Variants in MAP4K3 observed in about 807,000 individuals in gnomAD.
MAP4K3 encodes the protein MAPK/ERK kinase kinase kinase 3.
A neutral mutation model predicts 143.5 loss-of-function variants in MAP4K3; 94 were observed. The ratio of observed to expected loss-of-function variants is 0.65; its 90% CI spans 0.55 to 0.78. The LOEUF is 0.78. Ranked by LOEUF, MAP4K3 falls within the 30% of genes least tolerant of loss-of-function variation. The pLI is 0.00. For missense variants in MAP4K3, 1,077 were observed against 1,068.1 expected (o/e 1.01, Z -0.12); for synonymous variants, 416 against 347.2 (o/e 1.20, Z -2.20).
chr2:39,398,164 A>G (rs769085969), intron 1 of MAP4K3, among the ~76,000 whole-genome samples: 5 of 152,248 alleles, frequency 3.3e-5, no homozygotes, highest in Admixed American at 6.5e-5. Flanking sequence ...CTACATACAT[A>G]AGAAATACAC....
At chr2:39,416,008 A>T (rs866956765) in intron 1 of MAP4K3, among the ~76,000 whole-genome samples, 1,462 of 91,890 alleles carry the variant, frequency 0.016, 71 homozygotes, top group African/African-American at 0.06. Context: ...TATATATAAA[A>T]ATAACATTTG....
chr2:39,352,025 T>C (rs1253605736), intron 3 of MAP4K3, among the ~76,000 whole-genome samples: 3 of 152,226 alleles, frequency 2.0e-5, no homozygotes, highest in Non-Finnish European at 4.4e-5. Flanking sequence ...TCAAATCTTC[T>C]ACTGGCTTAT....
intron 29 of MAP4K3, among the ~76,000 whole-genome samples, chr2:39,259,029 G>A (rs968878835): frequency 7.3e-6 from 1 of 137,620 alleles, no homozygotes; most frequent in Admixed American, 7.8e-5. Context: ...TTTTGCGCCT[G>A]CTGCTCAGGC....
intron 31 of MAP4K3, among the ~76,000 whole-genome samples, chr2:39,257,623 A>G (rs1680396541): frequency 6.6e-6 from 1 of 151,658 alleles, no homozygotes; most frequent in Non-Finnish European, 1.5e-5. Flanking sequence ...AAGTAGTGAA[A>G]CCCCGTCTCT....
At chr2:39,283,518 G>C (rs1256294315) in intron 21 of MAP4K3, 5 of 151,628 alleles carry the variant, frequency 3.3e-5, no homozygotes, top group Admixed American at 6.6e-5. Context: ...ATATATTCTA[G>C]GTTTGAGTAT....
rs578201839 is a variant in MAP4K3, at chr2:39,347,841, T to C, written c.246-4389A>G. ...CTTCTTTCTTATAAGTGGTCATTAATTATCTGATTAGAAATTTATCCTAGA... is the reference window on the plus strand; with the variant it reads ...CTTCTTTCTTATAAGTGGTCATTAACTATCTGATTAGAAATTTATCCTAGA... On this transcript the variant is annotated intron_variant, in intron 3 of 33. Coordinates refer to ENST00000263881, the MANE Select transcript of MAP4K3 (RefSeq NM_003618.4). Among the ~76,000 whole-genome samples the C allele has an allele frequency of 9.9e-5, 15 of 152,204 alleles. No individual in the cohort carries two copies. The East Asian group carries it at 1.4e-3, about 14-fold the overall frequency.
chr2:39,256,865 C>T (rs969496435), intron 31 of MAP4K3, among the ~76,000 whole-genome samples: 2 of 152,154 alleles, frequency 1.3e-5, no homozygotes, highest in African/African-American at 2.4e-5. Flanking sequence ...GGCTGTGGTT[C>T]TCCATCTCCT....
intron 12 of MAP4K3, among the ~76,000 whole-genome samples, chr2:39,318,148 G>A (rs938910900): frequency 2.6e-5 from 4 of 152,100 alleles, no homozygotes; most frequent in African/African-American, 9.7e-5. Context: ...CTCAGGAGCA[G>A]AAAACCAAAT....
At chr2:39,297,128 T>C (rs545348320) in intron 16 of MAP4K3, among the ~76,000 whole-genome samples, 293 of 152,244 alleles carry the variant, frequency 1.9e-3, no homozygotes, top group African/African-American at 6.8e-3. Context: ...TTTTCTTTTT[T>C]TTTTTTGAGA....
chr2:39,313,463 TTTCC>T (rs1683008029), intron 13 of MAP4K3, among the ~76,000 whole-genome samples: 3 of 103,300 alleles, frequency 2.9e-5, no homozygotes, highest in South Asian at 3.2e-4. Context: ...TCCTTCTTTC[TTTCC>T]TTCCTTCCTT....
intron 26 of MAP4K3, among the ~76,000 whole-genome samples, chr2:39,271,242 A>C (rs1440126693): frequency 2.0e-5 from 3 of 152,188 alleles, no homozygotes; most frequent in African/African-American, 7.2e-5. Context: ...TATCTTATTC[A>C]ATTTTGTCTC....
intron 31 of MAP4K3, among the ~76,000 whole-genome samples, chr2:39,257,628 G>A (rs563533397): frequency 3.7e-4 from 56 of 151,646 alleles, no homozygotes; most frequent in Middle Eastern, 3.4e-3. Context: ...GTGAAACCCC[G>A]TCTCTACTAA....
At chr2:39,295,770 G>C (rs1682256059) in intron 16 of MAP4K3, among the ~76,000 whole-genome samples, 1 of 138,348 alleles carries the variant, frequency 7.2e-6, no homozygotes, top group African/African-American at 2.7e-5. Context: ...CCAGTCTGGA[G>C]TGCAGTGGCG....
chr2:39,344,138 T>C (rs1212995963), intron 3 of MAP4K3, among the ~76,000 whole-genome samples: 1 of 152,184 alleles, frequency 6.6e-6, no homozygotes, highest in Admixed American at 6.5e-5. Flanking sequence ...GATTCTACCT[T>C]AATATATGTC....
chr2:39,337,562 T>C lies in MAP4K3; in HGVS notation c.330A>G (p.Glu110=). ...DIYHVTGPLS[E]LQIAYVSRET... is the part of the protein sequence containing the mutation. ...CTCTGCTAACATATGCAATTTGCAG[T>C]TCTGACAGAGGTCCAGTTACTGTAA... Residue 110 remains glutamate (E), a synonymous_variant, in exon 5 of 34, where the codon GAA becomes GAG. Coordinates refer to ENST00000263881, the MANE Select transcript of MAP4K3 (RefSeq NM_003618.4). 6.2e-7 allele frequency: 1 copy of C among 1,611,688 alleles called. No homozygotes were observed. Among genetic ancestry groups the C allele is most frequent in the East Asian group, 2.2e-5 (1 of 44,790 alleles).
chr2:39,299,478 T>C (rs1484479882), intron 16 of MAP4K3, among the ~76,000 whole-genome samples: 2 of 152,212 alleles, frequency 1.3e-5, no homozygotes, highest in Admixed American at 1.3e-4. Context: ...AACATGTATC[T>C]GCCTTCAGTG....
intron 3 of MAP4K3, among the ~76,000 whole-genome samples, chr2:39,351,166 T>G (rs1035380114): frequency 2.0e-5 from 3 of 152,190 alleles, no homozygotes; most frequent in Non-Finnish European, 2.9e-5. Flanking sequence ...CTGCACATAC[T>G]GAGAAGTAAC....
chr2:39,378,181 A>T (rs1480417098), intron 1 of MAP4K3, 58 bp from the exon 2 acceptor site: 37 of 921,138 alleles, frequency 4.0e-5, no homozygotes, highest in Non-Finnish European at 5.3e-5. Context: ...AAAGTGTATA[A>T]AATTTCACTT....
chr2:39,364,467 A>T (rs1365352925), intron 2 of MAP4K3, among the ~76,000 whole-genome samples: 1 of 152,240 alleles, frequency 6.6e-6, no homozygotes, highest in Admixed American at 6.5e-5. Flanking sequence ...TTTTGAGCCA[A>T]ATATGAATGA....
Sources: gnomAD v4.1 joint callset for allele counts (sites outside exome capture counted in the v4.1 genomes callset) on GRCh38, gnomAD v4.1.1 for gene constraint, MANE v1.5 for transcripts, NCBI Gene and HGNC (gene_info 2026-07-23, HGNC 2026-07-21) for gene names.